Variants in CR1L observed in about 807,000 individuals in gnomAD.
The protein encoded by CR1L is complement component receptor 1-like protein.
Under a neutral mutation model 62.3 loss-of-function variants are expected in CR1L, and 59 were observed. The observed-to-expected ratio is 0.95, with a 90% CI of 0.77 to 1.18. CR1L has a LOEUF of 1.18. CR1L is among the 50% of genes most tolerant of loss of function. The pLI is 0.00. For synonymous variants in CR1L, 279 were observed against 248.7 expected, an observed-to-expected ratio of 1.12 and a Z score of -1.15; for missense variants, 700 against 702.8, an observed-to-expected ratio of 1.00 and a Z score of 0.04.
chr1:207,701,930 G>C (rs901879096), intron 9 of CR1L, among the ~76,000 whole-genome samples: 7 of 152,178 alleles, frequency 4.6e-5, no homozygotes, highest in African/African-American at 1.7e-4. Context: ...TGGAAGAAAG[G>C]GAAGGGCATG....
chr1:207,682,178 A>G (rs1663810409), intron 3 of CR1L, among the ~76,000 whole-genome samples: 1 of 152,162 alleles, frequency 6.6e-6, no homozygotes, highest in Non-Finnish European at 1.5e-5. Flanking sequence ...TAATTTTAAA[A>G]AACAAAATGA....
chr1:207,664,042 A>G (rs1303019578), intron 1 of CR1L, among the ~76,000 whole-genome samples: 1 of 152,256 alleles, frequency 6.6e-6, no homozygotes, highest in Non-Finnish European at 1.5e-5. Context: ...TAGCAACTGA[A>G]AGGCAGGAAA....
chr1:207,699,371 A>T, intron 8 of CR1L, 97 bp downstream of exon 8: 1 of 1,425,796 alleles, frequency 7.0e-7, no homozygotes, highest in Middle Eastern at 1.8e-4. Flanking sequence ...CAATTTTCTA[A>T]TCTGAATTAT....
chr1:207,651,003 T>A lies in CR1L; in HGVS notation c.97+5673T>A, dbSNP rs536251011. Among the ~76,000 whole-genome samples, 5 of 152,216 alleles carry A rather than the reference T, an allele frequency of 3.3e-5. No homozygotes were observed. In the South Asian group the frequency reaches 1.0e-3, roughly 32 times the overall value. On this transcript the variant is annotated intron_variant, in intron 1 of 11. Transcript: ENST00000508064. ...GGTTTCACCATGTTAGCCAGGATGG[T>A]CTCTATCTCCTGACCTCGTGATCCG...
chr1:207,678,230 A>T lies in CR1L; in HGVS notation c.310A>T (p.Asn104Tyr). 1 of 1,613,742 alleles carries T rather than the reference A, an allele frequency of 6.2e-7. No homozygotes were observed. The highest frequency in any genetic ancestry group is 8.5e-7 in the Non-Finnish European group (1 of 1,179,644). Reference sequence around the variant, plus strand: ...ATGTCGTAATCCTCCAGATCCTGTGAATGGCATGGCACATGTGATCAAAGA... The same window carrying T: ...ATGTCGTAATCCTCCAGATCCTGTGTATGGCATGGCACATGTGATCAAAGA... Reference protein sequence around the residue: ...KSCRNPPDPVNGMAHVIKDIQ... With the variant: ...KSCRNPPDPVYGMAHVIKDIQ... The change falls in exon 3 of 12, where the codon AAT (asparagine) becomes TAT (tyrosine). Residue 104 changes from asparagine (N) to tyrosine (Y), a missense_variant. Physicochemically the swap from Asn to Tyr is moderately radical, Grantham distance 143. Transcript: ENST00000508064.
Position 207,697,640 on chromosome 1 carries a change from C to A in CR1L, c.1000C>A (p.Pro334Thr). Residue 334 changes from proline (P) to threonine (T), a missense_variant, in exon 6 of 12, where the codon CCC (proline) becomes ACC (threonine). Pro to Thr is a conservative substitution (Grantham distance 38). Transcript: ENST00000508064. The part of the protein sequence containing the change: ...LRGSTYLHCT[P>T]QGDWSPAAPR... The stretch of plus-strand genomic sequence containing the variant: ...AGGATCTACGTATTTGCACTGCACA[C>A]CCCAGGGAGACTGGAGCCCTGCAGC... The A allele has an allele frequency of 6.2e-7, 1 of 1,614,004 alleles. No homozygotes were observed. Among genetic ancestry groups the A allele is most frequent in the South Asian group, 1.1e-5 (1 of 91,082 alleles).
At chr1:207,667,661 T>C (rs1663543417) in intron 1 of CR1L, among the ~76,000 whole-genome samples, 1 of 152,192 alleles carries the variant, frequency 6.6e-6, no homozygotes, top group South Asian at 2.1e-4. Flanking sequence ...TATTGTTATT[T>C]TTTAAATTGG....
chr1:207,689,242 A>C (rs576404972), intron 4 of CR1L, among the ~76,000 whole-genome samples: 2 of 151,934 alleles, frequency 1.3e-5, no homozygotes, highest in African/African-American at 4.8e-5. Context: ...TTTCTTTTTC[A>C]CTCTGTTAAT....
chr1:207,710,797 G>T, intron 10 of CR1L: 1 of 1,579,486 alleles, frequency 6.3e-7, no homozygotes, highest in South Asian at 1.1e-5. Context: ...GTGTTTGCCT[G>T]AGGCCTAGAA....
intron 1 of CR1L, among the ~76,000 whole-genome samples, chr1:207,651,074 T>G (rs1390123215): frequency 6.6e-6 from 1 of 152,168 alleles, no homozygotes; most frequent in African/African-American, 2.4e-5. Flanking sequence ...CGTGAGCCAC[T>G]GCACCCGGCC....
At chr1:207,676,144 C>T (rs1022614635) in intron 1 of CR1L, among the ~76,000 whole-genome samples, 5 of 152,090 alleles carry the variant, frequency 3.3e-5, no homozygotes, top group African/African-American at 7.2e-5. Context: ...TACTGATTAA[C>T]TAAAATTTGA....
chr1:207,685,719 GA>G (rs1021972594), intron 4 of CR1L, among the ~76,000 whole-genome samples: 2 of 152,146 alleles, frequency 1.3e-5, no homozygotes, highest in African/African-American at 2.4e-5. Flanking sequence ...AGAGGATGCT[GA>G]AACTCCCCGT....
intron 4 of CR1L, among the ~76,000 whole-genome samples, chr1:207,685,432 G>A (rs967810494): frequency 7.9e-5 from 12 of 152,200 alleles, no homozygotes; most frequent in African/African-American, 2.9e-4. Context: ...AATCTCTTAT[G>A]CTTATACAAA....
intron 1 of CR1L, among the ~76,000 whole-genome samples, chr1:207,665,687 C>T (rs1246832515): frequency 1.3e-5 from 2 of 152,218 alleles, no homozygotes; most frequent in Non-Finnish European, 2.9e-5. Context: ...GCCACCATGC[C>T]TGGCAAAGAA....
chr1:207,648,614 T>C (rs537060559), intron 1 of CR1L, among the ~76,000 whole-genome samples: 3 of 152,304 alleles, frequency 2.0e-5, no homozygotes, highest in African/African-American at 7.2e-5. Context: ...GCCAGTCTCA[T>C]TCATTCCTCC....
chr1:207,663,363 C>T (rs1663457038), intron 1 of CR1L, among the ~76,000 whole-genome samples: 2 of 152,276 alleles, frequency 1.3e-5, no homozygotes, highest in African/African-American at 4.8e-5. Flanking sequence ...CTCCCCCAGC[C>T]TCACTGCTGC....
chr1:207,683,695 G>A (rs1235678433), intron 3 of CR1L, among the ~76,000 whole-genome samples, 177 bp from the exon 4 acceptor site: 1 of 152,156 alleles, frequency 6.6e-6, no homozygotes, highest in Non-Finnish European at 1.5e-5. Context: ...AGAAGGCATG[G>A]AAGAGAAAAT....
chr1:207,690,998 A>G (rs1663987641), intron 4 of CR1L, among the ~76,000 whole-genome samples: 2 of 152,196 alleles, frequency 1.3e-5, no homozygotes, highest in African/African-American at 2.4e-5. Context: ...GGTCACATTC[A>G]CAGGTTTCAG....
At chr1:207,649,066 T>A (rs1663181859) in intron 1 of CR1L, among the ~76,000 whole-genome samples, 2 of 152,050 alleles carry the variant, frequency 1.3e-5, no homozygotes, top group Non-Finnish European at 2.9e-5. Flanking sequence ...CAAAAACACG[T>A]GATAATTACC....
Sources: allele counts gnomAD v4.1 joint callset (sites outside exome capture counted in the v4.1 genomes callset), GRCh38; gene constraint gnomAD v4.1.1; transcripts MANE v1.5; gene names NCBI Gene and HGNC (gene_info 2026-07-23, HGNC 2026-07-21).